The following TBPL2 variants were observed in gnomAD, a reference collection of about 807,000 sequenced individuals.
TBPL2 encodes the protein TATA box-binding protein-like 2.
In TBPL2, 40 loss-of-function variants were observed where a neutral mutation model predicts 38.2. That is an observed-to-expected ratio of 1.05 (90% CI 0.81 to 1.36). The LOEUF (loss-of-function observed/expected upper bound fraction) is 1.36. Among genes scored for constraint, TBPL2 ranks in the 40% most tolerant of loss-of-function variants. The pLI is 0.00. For synonymous variants in TBPL2, 169 were observed against 171.7 expected (o/e 0.98, Z 0.12); for missense variants, 461 against 456.7 (o/e 1.01, Z -0.09).
At chr14:55,432,442 A>AACAAAAAAAC (rs1555344432) in intron 4 of TBPL2, among the ~76,000 whole-genome samples, 6 of 149,164 alleles carry the variant, frequency 4.0e-5, no homozygotes, top group African/African-American at 1.5e-4. Context: ...ATAAACAAAC[A>AACAAAAAAAC]ACAAAAAAAA....
At chr14:55,439,619 C>G (rs199928253) in intron 1 of TBPL2, among the ~76,000 whole-genome samples, 3 of 118,036 alleles carry the variant, frequency 2.5e-5, no homozygotes, top group Admixed American at 1.7e-4. Context: ...AGCAAACCCC[C>G]CCCCGTCTCT....
intron 6 of TBPL2, among the ~76,000 whole-genome samples, chr14:55,419,280 C>G (rs958314489): frequency 6.6e-6 from 1 of 152,172 alleles, no homozygotes; most frequent in African/African-American, 2.4e-5. Context: ...GGTGAGGAAA[C>G]TTAGGTATAA....
chr14:55,439,925 T>G (rs1480195096), intron 1 of TBPL2, among the ~76,000 whole-genome samples: 3 of 24,918 alleles, frequency 1.2e-4, no homozygotes, highest in African/African-American at 4.0e-4. Context: ...AGCGAGACTC[T>G]GTCTCAAAAA....
chr14:55,435,032 T>C (rs1885991051), intron 3 of TBPL2, among the ~76,000 whole-genome samples: 2 of 152,102 alleles, frequency 1.3e-5, no homozygotes, highest in Non-Finnish European at 2.9e-5. Flanking sequence ...TGCCTGGCCT[T>C]GGCAGGATAC....
At chr14:55,435,468 A>G (rs28473512) in intron 3 of TBPL2, among the ~76,000 whole-genome samples, 44,560 of 151,686 alleles carry the variant, frequency 0.29, 8,862 homozygotes, top group African/African-American at 0.58. Context: ...TAGAGACGGG[A>G]TTTCACCATG....
intron 1 of TBPL2, 29 bp downstream of exon 1, chr14:55,440,367 T>A (rs1886090941): frequency 6.2e-7 from 1 of 1,612,494 alleles, no homozygotes; most frequent in Non-Finnish European, 8.5e-7. Flanking sequence ...ACTTGGGTCC[T>A]GACTCTGGGA....
At chr14:55,439,824 G>T (rs74876355) in intron 1 of TBPL2, among the ~76,000 whole-genome samples, 4 of 151,082 alleles carry the variant, frequency 2.6e-5, no homozygotes, top group Non-Finnish European at 3.0e-5. Context: ...CCAGCTACTC[G>T]GGAGGCTGAG....
chr14:55,434,384 A>T (rs1056361576), intron 3 of TBPL2, among the ~76,000 whole-genome samples: 2 of 152,182 alleles, frequency 1.3e-5, no homozygotes, highest in Non-Finnish European at 2.9e-5. Context: ...TGGACGTGTC[A>T]TCAAATGGCC....
In TBPL2 at chr14:55,435,784, C is replaced by A; in HGVS notation, c.696+63G>T. ...CAGAGGAATTAGTCAATATCATGAT[C>A]ATATTAAGAAAAGTAAATCTAAAGA... is the stretch of plus-strand genomic sequence containing the variant. On this transcript the variant is annotated intron_variant, in intron 3 of 6. Coordinates refer to ENST00000247219, the Ensembl canonical transcript of TBPL2. 2.5e-6 allele frequency: 3 copies of A among 1,204,350 alleles called. No individual in the cohort carries two copies. In the South Asian group the frequency reaches 4.3e-5, roughly 17 times the overall value. The allele number at this position is 1,204,350 out of a possible 1,614,324, so 74.6% of individuals were successfully genotyped here.
intron 6 of TBPL2, among the ~76,000 whole-genome samples, chr14:55,418,917 G>T (rs1885705767): frequency 6.6e-6 from 1 of 152,134 alleles, no homozygotes; most frequent in South Asian, 2.1e-4. Flanking sequence ...AGATTCTATG[G>T]TCACTTGCAT....
At chr14:55,433,510 G>A (rs1390542170) in intron 4 of TBPL2, 120 bp downstream of exon 4, 1 of 911,796 alleles carries the variant, frequency 1.1e-6, no homozygotes, top group African/African-American at 1.7e-5. Flanking sequence ...ATTGAATAAA[G>A]TCTTCAGCAA....
chr14:55,427,302 A>G (rs1431591147), intron 5 of TBPL2, among the ~76,000 whole-genome samples: 1 of 152,210 alleles, frequency 6.6e-6, no homozygotes, highest in Admixed American at 6.5e-5. Context: ...CTGAAGAAAA[A>G]AGAAAACATA....
chr14:55,428,692 C>A, intron 5 of TBPL2, 115 bp downstream of exon 5: 1 of 1,125,996 alleles, frequency 8.9e-7, no homozygotes, highest in Non-Finnish European at 1.3e-6. Flanking sequence ...CTATTGTGTC[C>A]CCCGCCTTTT....
intron 1 of TBPL2, chr14:55,438,880 T>C (rs1219583833): frequency 6.6e-6 from 1 of 150,848 alleles, no homozygotes; most frequent in African/African-American, 2.4e-5. Flanking sequence ...GTGCTGATCA[T>C]TGTCTTTATA....
At chr14:55,414,482 T>C in intron 6 of TBPL2, 27 bp from the exon 7 acceptor site, 1 of 1,499,550 alleles carries the variant, frequency 6.7e-7, no homozygotes, top group Non-Finnish European at 9.0e-7. Context: ...GTTTATATAA[T>C]TTTTAATATA....
rs567342581 is a variant in TBPL2 at position 55,428,119 on chromosome 14, C to CTTTTTTTTTTTTTTTTTTTTTTTT, written c.956+664_956+687dup. ...GCCTAGTCCATTTCACATGCCTTAT[C>CTTTTTTTTTTTTTTTTTTTTTTTT]TTTTTTTTTTTTTTTTTTTTTTTTT... On this transcript the variant is annotated intron_variant, in intron 5 of 6. Transcript: ENST00000247219. Among the ~76,000 whole-genome samples the CTTTTTTTTTTTTTTTTTTTTTTTT allele has an allele frequency of 4.6e-5, 2 of 43,332 alleles. 1 individual carries two copies. The allele number at this position is 43,332 out of a possible 152,430, so 28.4% of individuals were successfully genotyped here.
At chr14:55,415,186 A>AGC (rs1486854809) in intron 6 of TBPL2, among the ~76,000 whole-genome samples, 8 of 152,248 alleles carry the variant, frequency 5.3e-5, no homozygotes, top group Non-Finnish European at 1.2e-4. Flanking sequence ...TTATATTTAT[A>AGC]TGGAGCTTCA....
intron 6 of TBPL2, among the ~76,000 whole-genome samples, chr14:55,416,290 C>G (rs1885668792): frequency 6.6e-6 from 1 of 152,018 alleles, no homozygotes; most frequent in Non-Finnish European, 1.5e-5. Flanking sequence ...TCCTTATAAG[C>G]TTAATTTTTT....
At chr14:55,428,697 C>T (rs992431407) in intron 5 of TBPL2, 110 bp downstream of exon 5, 29 of 1,182,628 alleles carry the variant, frequency 2.5e-5, no homozygotes, top group Non-Finnish European at 3.3e-5. Flanking sequence ...GTGTCCCCCG[C>T]CTTTTTTTTT....
Sources: allele counts gnomAD v4.1 joint callset (sites outside exome capture counted in the v4.1 genomes callset), GRCh38; gene constraint gnomAD v4.1.1; transcripts MANE v1.5; gene names NCBI Gene and HGNC (gene_info 2026-07-23, HGNC 2026-07-21).